Variants in IGSF21 observed in about 807,000 individuals in gnomAD.
IGSF21 encodes immunoglobulin superfamily member 21.
IGSF21 carries 28 observed loss-of-function variants against 46.8 expected under a neutral mutation model. That is an observed-to-expected ratio of 0.60 (90% CI 0.44 to 0.82). The LOEUF (loss-of-function observed/expected upper bound fraction) is 0.82, where lower values mean the gene tolerates loss of function less well. IGSF21 is among the 40% of genes least tolerant of loss of function. The pLI is 0.00. For missense variants in IGSF21, 624 were observed against 665.5 expected (o/e 0.94, Z 0.69); for synonymous variants, 284 against 273.6 (o/e 1.04, Z -0.38).
intron 1 of IGSF21, among the ~76,000 whole-genome samples, chr1:18,131,828 A>C (rs1163154557): frequency 6.6e-6 from 1 of 152,132 alleles, no homozygotes; most frequent in Non-Finnish European, 1.5e-5. Context: ...GAAGTGGCAC[A>C]TGCCTTCTCC....
intron 1 of IGSF21, among the ~76,000 whole-genome samples, chr1:18,160,862 A>G (rs1256515511): frequency 6.6e-6 from 1 of 152,058 alleles, no homozygotes; most frequent in East Asian, 1.9e-4. Context: ...GTGGGCTCTG[A>G]CGGTTAGGAC....
chr1:18,256,812 C>T (rs987650543), intron 2 of IGSF21, among the ~76,000 whole-genome samples: 5 of 152,188 alleles, frequency 3.3e-5, no homozygotes, highest in Non-Finnish European at 5.9e-5. Context: ...CTTTTCCATC[C>T]GCTAGCCTAA....
At chr1:18,348,576 T>C (rs1372374838) in intron 4 of IGSF21, among the ~76,000 whole-genome samples, 4 of 152,208 alleles carry the variant, frequency 2.6e-5, no homozygotes, top group Non-Finnish European at 4.4e-5. Flanking sequence ...GATATGTGGC[T>C]GTTGAAACTG....
At chr1:18,300,404 T>C (rs1022129778) in intron 3 of IGSF21, among the ~76,000 whole-genome samples, 3 of 152,238 alleles carry the variant, frequency 2.0e-5, no homozygotes, top group Admixed American at 2.0e-4. Flanking sequence ...TAATTGTTGC[T>C]GGTCCCTATC....
At chr1:18,345,466 C>A (rs1175885974) in intron 4 of IGSF21, among the ~76,000 whole-genome samples, 1 of 152,132 alleles carries the variant, frequency 6.6e-6, no homozygotes. Flanking sequence ...CTCAATGCAA[C>A]CTCCGCCTCC....
At chr1:18,235,137 A>T (rs567628333) in intron 2 of IGSF21, among the ~76,000 whole-genome samples, 4 of 152,238 alleles carry the variant, frequency 2.6e-5, no homozygotes, top group Non-Finnish European at 5.9e-5. Flanking sequence ...AATTTCCAGG[A>T]CTGGAGCCTC....
intron 3 of IGSF21, among the ~76,000 whole-genome samples, chr1:18,320,485 G>A (rs771018576): frequency 1.1e-4 from 17 of 152,174 alleles, no homozygotes; most frequent in Non-Finnish European, 2.4e-4. Flanking sequence ...TTTTAGCTCC[G>A]CTTTGATGAA....
At chr1:18,138,924 G>T (rs548910656) in intron 1 of IGSF21, among the ~76,000 whole-genome samples, 20 of 152,328 alleles carry the variant, frequency 1.3e-4, no homozygotes, top group African/African-American at 4.8e-4. Flanking sequence ...GAGTCTGGGA[G>T]AGTTGGGATT....
intron 1 of IGSF21, among the ~76,000 whole-genome samples, chr1:18,216,283 G>A (rs2084445609): frequency 6.6e-6 from 1 of 152,154 alleles, no homozygotes; most frequent in African/African-American, 2.4e-5. Flanking sequence ...GTGCTGCAAG[G>A]TGGGCAAAGG....
At chr1:18,180,729 C>T (rs967213436) in intron 1 of IGSF21, among the ~76,000 whole-genome samples, 2 of 152,212 alleles carry the variant, frequency 1.3e-5, no homozygotes, top group Non-Finnish European at 2.9e-5. Context: ...TTAATATGCA[C>T]CTGGCACTGT....
intron 4 of IGSF21, among the ~76,000 whole-genome samples, chr1:18,349,568 TGCATG>T (rs1328937531): frequency 6.6e-6 from 1 of 152,138 alleles, no homozygotes; most frequent in Non-Finnish European, 1.5e-5. Context: ...GGGGCACCCC[TGCATG>T]GCAGGAACCC....
intron 1 of IGSF21, among the ~76,000 whole-genome samples, chr1:18,186,996 C>T (rs941825064): frequency 6.6e-6 from 1 of 152,198 alleles, no homozygotes; most frequent in African/African-American, 2.4e-5. Flanking sequence ...TCGTTTTAAC[C>T]TCTCCTGGGG....
At chr1:18,179,801 T>C (rs1251471393) in intron 1 of IGSF21, among the ~76,000 whole-genome samples, 1 of 152,078 alleles carries the variant, frequency 6.6e-6, no homozygotes, top group Non-Finnish European at 1.5e-5. Context: ...CAGATTGAAA[T>C]TAAGTAAGAA....
In IGSF21 at chr1:18,117,368, G is replaced by A. The variant is rs184427539; in HGVS notation, c.70+9170G>A. On this transcript the variant is annotated intron_variant, in intron 1 of 9. Transcript: ENST00000251296. Reference sequence around the variant, plus strand: ...GGGCTTGACCCAAGAGTGAAGGGAGGAGGAGCGCGGTCCTGGGGAGAAGCT... The same window carrying A: ...GGGCTTGACCCAAGAGTGAAGGGAGAAGGAGCGCGGTCCTGGGGAGAAGCT... Among the ~76,000 whole-genome samples, 29 of 152,336 alleles carry A rather than the reference G, an allele frequency of 1.9e-4. No individual in the cohort carries two copies. In the East Asian group the frequency reaches 4.6e-3, roughly 24 times the overall value.
intron 1 of IGSF21, among the ~76,000 whole-genome samples, chr1:18,165,040 C>T (rs1323703426): frequency 6.6e-6 from 1 of 151,890 alleles, no homozygotes; most frequent in Non-Finnish European, 1.5e-5. Flanking sequence ...CAGCTGCATC[C>T]ATGTCCCTAC....
intron 6 of IGSF21, among the ~76,000 whole-genome samples, chr1:18,368,530 TG>T (rs1431418315): frequency 8.2e-6 from 1 of 121,726 alleles, no homozygotes; most frequent in Admixed American, 8.8e-5. Flanking sequence ...AAAAAAAAGT[TG>T]GGGGGAAAAA....
At chr1:18,113,498 T>C (rs2086161127) in intron 1 of IGSF21, 1 of 152,034 alleles carries the variant, frequency 6.6e-6, no homozygotes, top group African/African-American at 2.4e-5. Context: ...CAGACTTTAG[T>C]CCCCTCCCAG....
intron 2 of IGSF21, among the ~76,000 whole-genome samples, chr1:18,243,430 A>T (rs1238083161): frequency 3.3e-5 from 5 of 151,982 alleles, no homozygotes; most frequent in Non-Finnish European, 5.9e-5. Context: ...CCCTGAATCC[A>T]CTGCTTCTTC....
intron 1 of IGSF21, among the ~76,000 whole-genome samples, chr1:18,221,682 T>C (rs1302855480): frequency 6.6e-6 from 1 of 152,190 alleles, no homozygotes; most frequent in African/African-American, 2.4e-5. Context: ...AACTGCTTAG[T>C]TAAGATGGAT....
Sources: allele counts gnomAD v4.1 joint callset (sites outside exome capture counted in the v4.1 genomes callset), GRCh38; gene constraint gnomAD v4.1.1; transcripts MANE v1.5; gene names NCBI Gene and HGNC (gene_info 2026-07-23, HGNC 2026-07-21).